The following LRRIQ4 variants were observed in gnomAD, a reference collection of about 807,000 sequenced individuals.
LRRIQ4 encodes leucine-rich repeat and IQ domain-containing protein 4.
Under a neutral mutation model 40.1 loss-of-function variants are expected in LRRIQ4, and 21 were observed. The observed-to-expected ratio is 0.52, with a 90% CI of 0.37 to 0.75. LRRIQ4 has a LOEUF of 0.75. Ranked by LOEUF, LRRIQ4 falls within the 30% of genes least tolerant of loss-of-function variation. LRRIQ4 has a pLI of 0.00. For synonymous variants in LRRIQ4, 277 were observed against 277.1 expected (o/e 1.00, Z 0.00); for missense variants, 655 against 660.0 (o/e 0.99, Z 0.08).
chr3:169,832,971 G>A lies in LRRIQ4; in HGVS notation c.1334-16G>A, dbSNP rs12486767. The A allele has an allele frequency of 0.41, 651,305 of 1,603,670 alleles. 139,793 individuals carry two copies. Among genetic ancestry groups the A allele is most frequent in the East Asian group, 0.76 (33,947 of 44,796 alleles). On this transcript the variant is annotated splice_polypyrimidine_tract_variant and intron_variant, in intron 4 of 5. Coordinates refer to ENST00000340806, the MANE Select transcript of LRRIQ4 (RefSeq NM_001080460.3). Reference sequence around the variant, plus strand: ...TCTTCTAAGATTGAACCACCATTACGAAAAAATCTTTTCAGCTTTGAAAGA... The same window carrying A: ...TCTTCTAAGATTGAACCACCATTACAAAAAAATCTTTTCAGCTTTGAAAGA...
chr3:169,837,133 C>G (rs1300193634), intron 5 of LRRIQ4, among the ~76,000 whole-genome samples: 1 of 152,182 alleles, frequency 6.6e-6, no homozygotes, highest in Non-Finnish European at 1.5e-5. Context: ...TGCGGTCACT[C>G]TCCATAGCAC....
Position 169,822,923 on chromosome 3 carries a change from T to C in LRRIQ4, c.1002T>C (p.Asp334=). The change falls in exon 2 of 6, where the codon GAT becomes GAC. Residue 334 remains aspartate, a synonymous_variant. Transcript: ENST00000340806. ...ALKNLEVLGL[D]DNKIGQLPSE... ...AGAACCTTGAAGTCCTGGGACTGGATGACAATAAAATAGGACAGGTACGGA... is the reference window on the plus strand; with the variant it reads ...AGAACCTTGAAGTCCTGGGACTGGACGACAATAAAATAGGACAGGTACGGA... 1 of 1,542,726 alleles carries C rather than the reference T, an allele frequency of 6.5e-7. No homozygotes were observed. Among genetic ancestry groups the C allele is most frequent in the Non-Finnish European group, 8.7e-7 (1 of 1,147,304 alleles).
chr3:169,832,017 G>A (rs1014614916), intron 4 of LRRIQ4, among the ~76,000 whole-genome samples: 1 of 151,820 alleles, frequency 6.6e-6, no homozygotes, highest in Non-Finnish European at 1.5e-5. Context: ...TGGAGACAAG[G>A]GGTTGTATGC....
At chr3:169,817,207 G>A (rs1400218871) in intron 1 of LRRIQ4, among the ~76,000 whole-genome samples, 2 of 152,022 alleles carry the variant, frequency 1.3e-5, no homozygotes, top group Admixed American at 1.3e-4. Context: ...TCATTCAGGA[G>A]CATGTTGTTT....
Position 169,821,907 on chromosome 3 carries a change from C to G in LRRIQ4, c.-15C>G. ...ATATTTCAGATTTTGAATATTTGAGCTTTTCTTCACAATAATGTCAAAAGA... is the reference window on the plus strand; with the variant it reads ...ATATTTCAGATTTTGAATATTTGAGGTTTTCTTCACAATAATGTCAAAAGA... On this transcript the variant is annotated 5_prime_UTR_variant, in exon 2 of 6. Transcript: ENST00000340806. 5 of 1,393,574 alleles carry G rather than the reference C, an allele frequency of 3.6e-6. No individual in the cohort carries two copies. Among genetic ancestry groups the G allele is most frequent in the African/African-American group, 1.5e-5 (1 of 68,062 alleles). The allele number at this position is 1,393,574 out of a possible 1,614,324, so 86.3% of individuals were successfully genotyped here. A position where few individuals can be genotyped will look rare whatever the true frequency, so the allele number is the denominator to read the frequency against.
chr3:169,822,510 G>T lies in LRRIQ4; in HGVS notation c.589G>T (p.Glu197Ter). The T allele has an allele frequency of 6.2e-7, 1 of 1,614,020 alleles. No homozygotes were observed. Among genetic ancestry groups the T allele is most frequent in the Non-Finnish European group, 8.5e-7 (1 of 1,179,892 alleles). The change falls in exon 2 of 6, where the codon GAG (glutamate) becomes TAG (stop). Residue 197 changes from glutamate (E) to a stop codon, truncating the protein, a stop_gained. Coordinates refer to ENST00000340806, the MANE Select transcript of LRRIQ4 (RefSeq NM_001080460.3). LOFTEE classifies it high-confidence loss of function. The part of the protein sequence containing the change: ...LYTLEIIDLD[E>*]NKIGAIPEEI... ...CACCCTGGAAATCATTGACCTGGACGAGAACAAAATAGGTGCCATCCCAGA... is the reference window on the plus strand; with the variant it reads ...CACCCTGGAAATCATTGACCTGGACTAGAACAAAATAGGTGCCATCCCAGA...
intron 1 of LRRIQ4, among the ~76,000 whole-genome samples, chr3:169,814,135 G>C (rs1779705544): frequency 6.6e-6 from 1 of 152,094 alleles, no homozygotes; most frequent in South Asian, 2.1e-4. Context: ...CGGAAAAATC[G>C]GATCACACAG....
chr3:169,831,483 T>C (rs1380913709), intron 4 of LRRIQ4, among the ~76,000 whole-genome samples: 10 of 95,490 alleles, frequency 1.0e-4, no homozygotes, highest in Admixed American at 1.4e-4. Context: ...TTTTTTTTTT[T>C]AGTAGAGACG....
chr3:169,821,114 T>C (rs989491063), intron 1 of LRRIQ4, among the ~76,000 whole-genome samples: 2 of 152,246 alleles, frequency 1.3e-5, no homozygotes, highest in East Asian at 3.8e-4. Context: ...GGTCTCTAGT[T>C]ATTTAGAAAA....
At chr3:169,830,452 A>T in intron 3 of LRRIQ4, 40 bp from the exon 4 acceptor site, 1 of 1,256,820 alleles carries the variant, frequency 8.0e-7, no homozygotes, top group Non-Finnish European at 1.1e-6. Context: ...ATAATTAATT[A>T]ATCAAGGTAT....
intron 2 of LRRIQ4, among the ~76,000 whole-genome samples, chr3:169,824,953 T>C (rs559964756): frequency 6.6e-6 from 1 of 152,244 alleles, no homozygotes; most frequent in African/African-American, 2.4e-5. Context: ...ACCAGTCTCA[T>C]GTGTTCCCTA....
chr3:169,814,259 G>T (rs1213834179), intron 1 of LRRIQ4, among the ~76,000 whole-genome samples: 1 of 152,062 alleles, frequency 6.6e-6, no homozygotes, highest in Non-Finnish European at 1.5e-5. Context: ...CTGGAGTCCG[G>T]CCGCTCAGCA....
At chr3:169,818,299 C>G (rs565857987) in intron 1 of LRRIQ4, among the ~76,000 whole-genome samples, 1 of 152,320 alleles carries the variant, frequency 6.6e-6, no homozygotes, top group East Asian at 1.9e-4. Context: ...TTCAGTGCCT[C>G]TTTCTTTGCT....
intron 2 of LRRIQ4, among the ~76,000 whole-genome samples, chr3:169,826,304 A>T (rs1157640416): frequency 2.0e-5 from 3 of 151,868 alleles, no homozygotes; most frequent in Non-Finnish European, 4.4e-5. Context: ...AGGCAGGAGA[A>T]TCGCTTGAAC....
chr3:169,819,012 C>G (rs1000325840), intron 1 of LRRIQ4, among the ~76,000 whole-genome samples: 1 of 152,108 alleles, frequency 6.6e-6, no homozygotes, highest in Admixed American at 6.5e-5. Context: ...TAGAGTTACA[C>G]AAAGAAAGCT....
In LRRIQ4 at chr3:169,830,535, T is replaced by C; in HGVS notation, c.1238T>C (p.Leu413Pro). The change falls in exon 4 of 6, where the codon CTG becomes CCG. Residue 413 changes from leucine to proline, a missense_variant. By Grantham distance (98) the Leu-to-Pro change is moderately conservative. Coordinates refer to ENST00000340806, the MANE Select transcript of LRRIQ4 (RefSeq NM_001080460.3). ...ATAGAGAACAATCATCTGGAGTACC[T>C]GCCCGTATCCTTGGGGTCAATGCCT... Reference protein sequence around the residue: ...LYIENNHLEYLPVSLGSMPNL... With the variant: ...LYIENNHLEYPPVSLGSMPNL... 1 of 1,612,186 alleles carries C rather than the reference T, an allele frequency of 6.2e-7. No homozygotes were observed. The highest frequency in any genetic ancestry group is 8.5e-7 in the Non-Finnish European group (1 of 1,178,956).
rs61754894 is a variant in LRRIQ4 at position 169,822,261 on chromosome 3, G to A, written c.340G>A (p.Val114Ile). 5.2e-4 allele frequency: 845 copies of A among 1,610,244 alleles called. 1 individual carries two copies. The African/African-American group carries it at 0.01, about 20-fold the overall frequency. ...NPIFSSSLVV[V>I]SFLHALRELR... Reference sequence around the variant, plus strand: ...CATCTTCTCCTCCTCCCTTGTCGTTGTCAGCTTCCTCCACGCCCTGCGCGA... The same window carrying A: ...CATCTTCTCCTCCTCCCTTGTCGTTATCAGCTTCCTCCACGCCCTGCGCGA... The change falls in exon 2 of 6, where the codon GTC (valine) becomes ATC (isoleucine). Residue 114 changes from valine to isoleucine, a missense_variant. Transcript: ENST00000340806.
At chr3:169,815,871 C>A (rs554172274) in intron 1 of LRRIQ4, among the ~76,000 whole-genome samples, 1 of 152,296 alleles carries the variant, frequency 6.6e-6, no homozygotes, top group Admixed American at 6.5e-5. Context: ...TTATCACATG[C>A]TTTTTCAGCA....
chr3:169,819,946 G>A (rs1021949486), intron 1 of LRRIQ4, among the ~76,000 whole-genome samples: 1 of 152,158 alleles, frequency 6.6e-6, no homozygotes, highest in Non-Finnish European at 1.5e-5. Context: ...GAGACAGCTA[G>A]TTTTAAACAA....
Sources: allele counts gnomAD v4.1 joint callset (sites outside exome capture counted in the v4.1 genomes callset), GRCh38; gene constraint gnomAD v4.1.1; transcripts MANE v1.5; gene names NCBI Gene and HGNC (gene_info 2026-07-23, HGNC 2026-07-21).